Variants in PCMTD1 observed in about 807,000 individuals in gnomAD.
The protein encoded by PCMTD1 is protein-L-isoaspartate O-methyltransferase domain-containing protein 1.
In PCMTD1, 12 loss-of-function variants were observed where a neutral mutation model predicts 37.6. The ratio of observed to expected loss-of-function variants is 0.32; its 90% CI spans 0.20 to 0.52. PCMTD1 has a LOEUF of 0.52. PCMTD1 is among the 20% of genes least tolerant of loss of function. The pLI, the probability that PCMTD1 is intolerant of heterozygous loss-of-function variation, is 0.97. For missense variants in PCMTD1, 235 were observed against 421.3 expected (o/e 0.56, Z 3.87); for synonymous variants, 117 against 135.8 (o/e 0.86, Z 0.96).
intron 2 of PCMTD1, among the ~76,000 whole-genome samples, chr8:51,846,296 C>A (rs1306262562): frequency 6.6e-6 from 1 of 152,150 alleles, no homozygotes. Context: ...GGACTTGACT[C>A]TCATGCTCCA....
chr8:51,826,307 T>C (rs1043549194), intron 5 of PCMTD1, among the ~76,000 whole-genome samples: 4 of 151,768 alleles, frequency 2.6e-5, no homozygotes, highest in South Asian at 2.1e-4. Flanking sequence ...TAACTGGGAG[T>C]TGAACAATGA....
chr8:51,892,205 G>T (rs1360483782), intron 1 of PCMTD1, among the ~76,000 whole-genome samples: 5 of 152,072 alleles, frequency 3.3e-5, no homozygotes, highest in Admixed American at 6.6e-5. Context: ...TGACACAAAG[G>T]GATCTAAATT....
At chr8:51,843,712 CA>C in intron 3 of PCMTD1, among the ~76,000 whole-genome samples, 1 of 152,150 alleles carries the variant, frequency 6.6e-6, no homozygotes, top group African/African-American at 2.4e-5. Context: ...CACTTCAAAT[CA>C]CAACATATTT....
At chr8:51,867,476 GGTGT>G (rs59206546) in intron 1 of PCMTD1, among the ~76,000 whole-genome samples, 20,146 of 141,246 alleles carry the variant, frequency 0.14, 1,655 homozygotes, top group African/African-American at 0.24. Context: ...TAAAGAAAAT[GGTGT>G]GTGTGTGTGT....
At chr8:51,831,190 T>C (rs565123414) in intron 5 of PCMTD1, among the ~76,000 whole-genome samples, 1 of 151,594 alleles carries the variant, frequency 6.6e-6, no homozygotes, top group Non-Finnish European at 1.5e-5. Context: ...CCCACCTACT[T>C]GGGTGTCTGA....
chr8:51,899,023 C>G lies in PCMTD1; in HGVS notation c.-189G>C, dbSNP rs1399604677. 2.6e-6 allele frequency: 4 copies of G among 1,512,130 alleles called. No homozygotes were observed. The highest frequency in any genetic ancestry group is 3.5e-6 in the Non-Finnish European group (4 of 1,137,154). 93.7% of individuals were successfully genotyped at this position (1,512,130 alleles called of 1,614,324 possible). Reference sequence around the variant, plus strand: ...GCTACCACCACAATAACAACACGGACGCCACCGCCGAGTGGAGAGGCGGGG... The same window carrying G: ...GCTACCACCACAATAACAACACGGAGGCCACCGCCGAGTGGAGAGGCGGGG... On this transcript the variant is annotated 5_prime_UTR_variant, in exon 1 of 6. Transcript: ENST00000522514.
intron 1 of PCMTD1, among the ~76,000 whole-genome samples, chr8:51,890,336 A>T (rs2038919971): frequency 6.6e-6 from 1 of 152,212 alleles, no homozygotes; most frequent in South Asian, 2.1e-4. Context: ...CTTTTCCTTG[A>T]AACTAAAATT....
upstream of PCMTD1, chr8:51,899,054 A>T (rs759805999): frequency 6.7e-7 from 1 of 1,503,742 alleles, no homozygotes; most frequent in Non-Finnish European, 8.8e-7. Context: ...CGGGGCCCGG[A>T]CCCGCGACTG....
intron 5 of PCMTD1, among the ~76,000 whole-genome samples, chr8:51,823,813 C>A (rs1487667181): frequency 6.6e-6 from 1 of 152,086 alleles, no homozygotes; most frequent in East Asian, 1.9e-4. Context: ...ACTGGCAAAC[C>A]GAATCCAGCA....
chr8:51,840,135 C>T (rs11774370), intron 3 of PCMTD1, among the ~76,000 whole-genome samples: 76,837 of 152,010 alleles, frequency 0.51, 23,621 homozygotes, highest in Non-Finnish European at 0.68. Flanking sequence ...TTATTCCAAG[C>T]AATGTGTTTC....
At chr8:51,849,457 T>TA (rs1427889704) in intron 2 of PCMTD1, 1 of 152,122 alleles carries the variant, frequency 6.6e-6, no homozygotes, top group Non-Finnish European at 1.5e-5. Flanking sequence ...TTAATTTTTG[T>TA]AACTTTTTTT....
rs1024504445 is a variant in PCMTD1, at chr8:51,845,771, C to T, written c.308-8G>A. 4.4e-6 allele frequency: 7 copies of T among 1,596,514 alleles called. No homozygotes were observed. The highest frequency in any genetic ancestry group is 3.3e-5 in the Admixed American group (2 of 59,764). On this transcript the variant is annotated splice_region_variant and splice_polypyrimidine_tract_variant and intron_variant, in intron 2 of 5. Transcript: ENST00000522514. ...GATTTATTCCAAAAGGACCTGCAAT[C>T]GTAGCAGCATTTTTATAAAAAATAT...
intron 2 of PCMTD1, among the ~76,000 whole-genome samples, chr8:51,850,746 G>A (rs998852116): frequency 6.6e-6 from 1 of 152,042 alleles, no homozygotes; most frequent in African/African-American, 2.4e-5. Flanking sequence ...TAAAGTCAAT[G>A]AGAATCAAAA....
At chr8:51,825,700 CAAAAAAAAAAAAA>C (rs1221587696) in intron 5 of PCMTD1, among the ~76,000 whole-genome samples, 1 of 6,938 alleles carries the variant, frequency 1.4e-4, no homozygotes, top group African/African-American at 2.0e-4. Context: ...GACTCCGTCT[CAAAAAAAAAAAAA>C]AAAAAAAAAA....
At position 51,817,696 on chromosome 8, in the gene PCMTD1, T is replaced by C; in HGVS notation, c.*2655A>G. On this transcript the variant is annotated 3_prime_UTR_variant, in exon 6 of 6. Transcript: ENST00000522514. ...GCTATAAATCAACACACTTTTTGTA[T>C]TTTATTTTACTACTATGTATGCTAT... 1 of 280,716 alleles carries C rather than the reference T, an allele frequency of 3.6e-6. No individual in the cohort carries two copies. The highest frequency in any genetic ancestry group is 4.2e-4 in the Middle Eastern group (1 of 2,366). The allele number at this position is 280,716 out of a possible 1,614,324, so 17.4% of individuals were successfully genotyped here. A position where few individuals can be genotyped will look rare whatever the true frequency, so the allele number is the denominator to read the frequency against.
At chr8:51,855,819 C>T (rs2038380052) in intron 2 of PCMTD1, among the ~76,000 whole-genome samples, 1 of 151,934 alleles carries the variant, frequency 6.6e-6, no homozygotes. Flanking sequence ...GCCACCATGC[C>T]TGGCTAATTT....
At chr8:51,896,587 A>C (rs2039004966) in intron 1 of PCMTD1, among the ~76,000 whole-genome samples, 1 of 152,218 alleles carries the variant, frequency 6.6e-6, no homozygotes. Context: ...AGCAGTGTCT[A>C]AAGTAACACA....
intron 2 of PCMTD1, chr8:51,848,977 T>C (rs2038263929): frequency 6.6e-6 from 1 of 152,014 alleles, no homozygotes; most frequent in African/African-American, 2.4e-5. Flanking sequence ...ATCTCATTTA[T>C]TTAGAATGTG....
chr8:51,841,237 T>C (rs2038143141), intron 3 of PCMTD1, among the ~76,000 whole-genome samples: 2 of 152,204 alleles, frequency 1.3e-5, no homozygotes, highest in Admixed American at 6.5e-5. Flanking sequence ...TTAACACTAA[T>C]GAACAGACAA....
Sources: gnomAD v4.1 joint callset for allele counts (sites outside exome capture counted in the v4.1 genomes callset) on GRCh38, gnomAD v4.1.1 for gene constraint, MANE v1.5 for transcripts, NCBI Gene and HGNC (gene_info 2026-07-23, HGNC 2026-07-21) for gene names.